The following ROBO2 variants were observed in gnomAD, a reference collection of about 807,000 sequenced individuals.
The protein encoded by ROBO2 is roundabout homolog 2.
Under a neutral mutation model 160.8 loss-of-function variants are expected in ROBO2, and 53 were observed. That is an observed-to-expected ratio of 0.33 (90% CI 0.26 to 0.41). ROBO2 has a LOEUF of 0.41. ROBO2 is among the 10% of genes least tolerant of loss of function. ROBO2 has a pLI of 1.00. For synonymous variants in ROBO2, 664 were observed against 611.7 expected (o/e 1.09, Z -1.26); for missense variants, 1,577 against 1,722.4 (o/e 0.92, Z 1.49).
At chr3:77,238,298 T>C (rs1021096891) in intron 2 of ROBO2, among the ~76,000 whole-genome samples, 9 of 152,192 alleles carry the variant, frequency 5.9e-5, no homozygotes, top group African/African-American at 2.2e-4. Context: ...TAAAAAGTCA[T>C]TGACAAATCC....
At chr3:76,582,567 A>G (rs2085768219) in intron 2 of ROBO2, among the ~76,000 whole-genome samples, 1 of 152,018 alleles carries the variant, frequency 6.6e-6, no homozygotes, top group Non-Finnish European at 1.5e-5. Context: ...TAGAAAAATT[A>G]AAAAAACAAA....
chr3:76,626,500 A>C (rs533051777), intron 2 of ROBO2, among the ~76,000 whole-genome samples: 29 of 152,208 alleles, frequency 1.9e-4, no homozygotes, highest in African/African-American at 7.0e-4. Context: ...AAATGAGGAG[A>C]GATAAAGAAG....
At chr3:77,266,028 A>G (rs1383125720) in intron 2 of ROBO2, among the ~76,000 whole-genome samples, 5 of 152,166 alleles carry the variant, frequency 3.3e-5, no homozygotes, top group African/African-American at 1.2e-4. Flanking sequence ...TAAGATATGC[A>G]GAATCAGGAC....
At chr3:76,219,360 A>C (rs1222635164) in intron 2 of ROBO2, among the ~76,000 whole-genome samples, 4 of 152,368 alleles carry the variant, frequency 2.6e-5, no homozygotes, top group African/African-American at 7.2e-5. Context: ...GTGCACAGCA[A>C]AAGAAACCAC....
intron 2 of ROBO2, among the ~76,000 whole-genome samples, chr3:76,224,744 T>TTCTTG (rs5850241): frequency 0.97 from 147,860 of 152,086 alleles, 71,978 homozygotes; most frequent in Middle Eastern, 1. Context: ...CACATTCCTG[T>TTCTTG]TCTTCTAGAC....
At chr3:76,817,484 T>C (rs2063344553) in intron 2 of ROBO2, among the ~76,000 whole-genome samples, 1 of 152,044 alleles carries the variant, frequency 6.6e-6, no homozygotes, top group South Asian at 2.1e-4. Flanking sequence ...TGGTCCAATA[T>C]TGACTTTTCT....
intron 2 of ROBO2, among the ~76,000 whole-genome samples, chr3:77,304,091 C>T (rs1422524193): frequency 2.0e-5 from 3 of 152,042 alleles, no homozygotes; most frequent in Non-Finnish European, 4.4e-5. Context: ...GCATAAGGAC[C>T]AGCCATGGAC....
intron 2 of ROBO2, among the ~76,000 whole-genome samples, chr3:77,459,766 T>C (rs888682073): frequency 6.6e-6 from 1 of 151,822 alleles, no homozygotes; most frequent in Non-Finnish European, 1.5e-5. Flanking sequence ...AACTAAATAA[T>C]GTAGAAACAA....
In ROBO2 at chr3:76,219,973, T is replaced by C. The variant is rs1186061850; in HGVS notation, c.109+282371T>C. On this transcript the variant is annotated intron_variant, in intron 2 of 26. Coordinates refer to the ROBO2 transcript ENST00000487694. ...CTGGATTAAGAAAATGTGGCACATA[T>C]ACACCATGGAATACTATGCAGCCAT... Among the ~76,000 whole-genome samples, 2 of 151,948 alleles carry C rather than the reference T, an allele frequency of 1.3e-5. 1 individual carries two copies. The highest frequency in any genetic ancestry group is 4.8e-5 in the African/African-American group (2 of 41,340).
At chr3:76,499,502 C>A (rs553071390) in intron 2 of ROBO2, among the ~76,000 whole-genome samples, 13 of 152,238 alleles carry the variant, frequency 8.5e-5, no homozygotes, top group Admixed American at 7.2e-4. Flanking sequence ...TTCAGGAGTA[C>A]ATTTCTCAAG....
intron 2 of ROBO2, among the ~76,000 whole-genome samples, chr3:76,575,064 C>A (rs2085203044): frequency 6.6e-6 from 1 of 152,026 alleles, no homozygotes. Flanking sequence ...TAGATATTAG[C>A]CCTCTTCCTG....
chr3:76,971,011 T>G (rs1419499784), intron 2 of ROBO2, among the ~76,000 whole-genome samples: 1 of 152,164 alleles, frequency 6.6e-6, no homozygotes, highest in African/African-American at 2.4e-5. Flanking sequence ...GTGCCAGAAT[T>G]CAAGTTCATA....
At chr3:76,572,627 C>G (rs191532677) in intron 2 of ROBO2, among the ~76,000 whole-genome samples, 7 of 152,066 alleles carry the variant, frequency 4.6e-5, no homozygotes, top group Non-Finnish European at 1.0e-4. Context: ...AAAATGAATA[C>G]GTCAAAAAGT....
intron 2 of ROBO2, among the ~76,000 whole-genome samples, chr3:76,121,434 C>T (rs1425889377): frequency 1.3e-5 from 2 of 152,092 alleles, no homozygotes; most frequent in African/African-American, 4.8e-5. Flanking sequence ...ACAGTGCTCT[C>T]TCCTAAAATT....
chr3:76,684,048 G>A (rs2092631318), intron 2 of ROBO2, among the ~76,000 whole-genome samples: 1 of 151,942 alleles, frequency 6.6e-6, no homozygotes, highest in South Asian at 2.1e-4. Context: ...GCCAACTGGA[G>A]ATGATTGAAA....
chr3:76,764,683 T>G (rs2061482179), intron 2 of ROBO2, among the ~76,000 whole-genome samples: 1 of 151,618 alleles, frequency 6.6e-6, no homozygotes, highest in Admixed American at 6.6e-5. Context: ...CATTGTCTTC[T>G]GTAAGGGAGA....
intron 20 of ROBO2, among the ~76,000 whole-genome samples, chr3:77,604,599 T>C (rs2094491650): frequency 6.6e-6 from 1 of 152,164 alleles, no homozygotes; most frequent in Non-Finnish European, 1.5e-5. Flanking sequence ...TTCATCTACA[T>C]TTGAATACAA....
At chr3:76,274,289 T>C (rs1707786916) in intron 2 of ROBO2, among the ~76,000 whole-genome samples, 1 of 152,074 alleles carries the variant, frequency 6.6e-6, no homozygotes, top group Admixed American at 6.6e-5. Flanking sequence ...ACATGGCACA[T>C]GTATACATAT....
chr3:76,234,809 T>G (rs1429699190), intron 2 of ROBO2, among the ~76,000 whole-genome samples: 1 of 152,184 alleles, frequency 6.6e-6, no homozygotes, highest in Non-Finnish European at 1.5e-5. Flanking sequence ...TCCAATTATC[T>G]TTTTGAAATT....
Sources: allele counts gnomAD v4.1 joint callset (sites outside exome capture counted in the v4.1 genomes callset), GRCh38; gene constraint gnomAD v4.1.1; transcripts MANE v1.5; gene names NCBI Gene and HGNC (gene_info 2026-07-23, HGNC 2026-07-21).